ARFGEF1: variants seen among roughly 807,000 people sequenced by gnomAD.
ARFGEF1 encodes ARF guanine nucleotide exchange factor 1, also known as brefeldin A-inhibited guanine nucleotide-exchange protein 1.
In ARFGEF1, 42 loss-of-function variants were observed where a neutral mutation model predicts 231.0. That is an observed-to-expected ratio of 0.18 (90% confidence interval 0.14 to 0.24). The LOEUF (loss-of-function observed/expected upper bound fraction) is 0.24. ARFGEF1 is among the 10% of genes least tolerant of loss of function. The probability of loss-of-function intolerance (pLI) is 1.00; values close to 1 mark genes in which losing one functional copy is unlikely to be tolerated. For missense variants in ARFGEF1, 1,345 were observed against 2,192.0 expected (o/e 0.61, Z 7.72); for synonymous variants, 710 against 732.3 (o/e 0.97, Z 0.49).
At chr8:67,218,639 AT>A (rs1394780802) in intron 30 of ARFGEF1, among the ~76,000 whole-genome samples, 2 of 152,062 alleles carry the variant, frequency 1.3e-5, no homozygotes, top group East Asian at 1.9e-4. Context: ...AGTGTAATTT[AT>A]TTTTTTCAAG....
At chr8:67,221,941 G>A (rs886115213) in intron 29 of ARFGEF1, among the ~76,000 whole-genome samples, 2 of 151,082 alleles carry the variant, frequency 1.3e-5, no homozygotes, top group African/African-American at 4.9e-5. Context: ...AGCCTCCCAA[G>A]TAGCTGGGAC....
intron 28 of ARFGEF1, among the ~76,000 whole-genome samples, 167 bp from the exon 29 acceptor site, chr8:67,225,200 A>T (rs1329467016): frequency 6.6e-6 from 1 of 152,238 alleles, no homozygotes; most frequent in African/African-American, 2.4e-5. Context: ...ATTTTAGTAT[A>T]TGTGCCACTG....
chr8:67,337,575 CTCTG>C (rs1384130906), intron 1 of ARFGEF1, among the ~76,000 whole-genome samples: 2 of 151,834 alleles, frequency 1.3e-5, no homozygotes, highest in Non-Finnish European at 2.9e-5. Context: ...CCATCTTTCT[CTCTG>C]TCTCTCTCCC....
chr8:67,269,646 C>T (rs556615610), intron 10 of ARFGEF1, among the ~76,000 whole-genome samples: 6 of 152,058 alleles, frequency 3.9e-5, no homozygotes, highest in South Asian at 4.2e-4. Flanking sequence ...CCACTGTGCC[C>T]GGTGCTCAAC....
intron 1 of ARFGEF1, among the ~76,000 whole-genome samples, chr8:67,304,828 T>C (rs547558236): frequency 2.6e-4 from 40 of 152,212 alleles, no homozygotes; most frequent in Non-Finnish European, 2.1e-4. Context: ...CAAAAATAAA[T>C]AAAATAAAAT....
At chr8:67,267,569 T>C in intron 10 of ARFGEF1, 127 bp from the exon 11 acceptor site, 1 of 599,062 alleles carries the variant, frequency 1.7e-6, no homozygotes, top group Non-Finnish European at 2.9e-6. Context: ...CAACTCCTTT[T>C]GAGTTCCATC....
intron 1 of ARFGEF1, among the ~76,000 whole-genome samples, chr8:67,337,559 C>A (rs751076829): frequency 6.6e-6 from 1 of 152,032 alleles, no homozygotes; most frequent in Non-Finnish European, 1.5e-5. Flanking sequence ...ATCTGCCCAC[C>A]CCCTCCCATC....
downstream of ARFGEF1, chr8:67,175,195 A>G: frequency 1.2e-6 from 1 of 830,172 alleles, no homozygotes. Context: ...CATTTCCTTG[A>G]TTTTGAAATT....
chr8:67,274,629 T>C (rs555473231), intron 9 of ARFGEF1, among the ~76,000 whole-genome samples: 1 of 152,254 alleles, frequency 6.6e-6, no homozygotes, highest in African/African-American at 2.4e-5. Context: ...TTCCTTTGTG[T>C]CCTTTTCATT....
intron 1 of ARFGEF1, among the ~76,000 whole-genome samples, chr8:67,328,279 CTG>C (rs1184258070): frequency 2.6e-5 from 4 of 152,090 alleles, no homozygotes; most frequent in African/African-American, 9.7e-5. Context: ...TCTTAACAAA[CTG>C]AACTATTCTT....
intron 1 of ARFGEF1, among the ~76,000 whole-genome samples, chr8:67,320,898 C>T (rs1158862638): frequency 1.3e-5 from 2 of 151,678 alleles, no homozygotes; most frequent in Non-Finnish European, 2.9e-5. Flanking sequence ...GAAGAGGTTG[C>T]AATAAGCAGA....
intron 5 of ARFGEF1, among the ~76,000 whole-genome samples, chr8:67,180,432 G>C (rs1304705753): frequency 6.6e-6 from 1 of 152,216 alleles, no homozygotes; most frequent in Non-Finnish European, 1.5e-5. Context: ...CAGGGGTTGA[G>C]GGATAGGGAG....
chr8:67,261,189 TATACTAAACAACA>T (rs1275742676), intron 14 of ARFGEF1, among the ~76,000 whole-genome samples: 17 of 152,310 alleles, frequency 1.1e-4, no homozygotes, highest in Middle Eastern at 6.8e-3. Flanking sequence ...TGAAGGTGGT[TATACTAAACAACA>T]GATTTTCCAT....
In ARFGEF1 at chr8:67,198,527, A is replaced by C; in HGVS notation, c.*407T>G. 1 of 990,916 alleles carries C rather than the reference A, an allele frequency of 1.0e-6. No homozygotes were observed. Among genetic ancestry groups the C allele is most frequent in the Non-Finnish European group, 1.2e-6 (1 of 833,892 alleles). The allele number at this position is 990,916 out of a possible 1,614,324, so 61.4% of individuals were successfully genotyped here. On this transcript the variant is annotated 3_prime_UTR_variant, in exon 39 of 39. Coordinates refer to ENST00000262215, the MANE Select transcript of ARFGEF1 (RefSeq NM_006421.5). ...AACAATAATTTCTTCTTCTCTCCCC[A>C]CTCCCCAATTATAAACATTTTATCC...
Position 67,198,784 on chromosome 8 carries a change from T to C in ARFGEF1, c.*150A>G. 2.8e-6 allele frequency: 4 copies of C among 1,436,902 alleles called. No individual in the cohort carries two copies. Among genetic ancestry groups the C allele is most frequent in the Non-Finnish European group, 2.7e-6 (3 of 1,099,708 alleles). The allele number at this position is 1,436,902 out of a possible 1,614,324, so 89.0% of individuals were successfully genotyped here. On this transcript the variant is annotated 3_prime_UTR_variant, in exon 39 of 39. Coordinates refer to ENST00000262215, the MANE Select transcript of ARFGEF1 (RefSeq NM_006421.5). ...ACCAGCACTAAAAGGGACTGGAGTG[T>C]TGCAAGTTTGAGTAAGACTTCTAAG...
At chr8:67,316,943 T>C (rs1369640398) in intron 1 of ARFGEF1, among the ~76,000 whole-genome samples, 1 of 152,198 alleles carries the variant, frequency 6.6e-6, no homozygotes, top group Non-Finnish European at 1.5e-5. Context: ...TTGAACCACA[T>C]GATCTCAGCC....
At chr8:67,231,406 T>C (rs111890335) in intron 23 of ARFGEF1, among the ~76,000 whole-genome samples, 3,810 of 152,192 alleles carry the variant, frequency 0.025, 108 homozygotes, top group South Asian at 0.047. Context: ...TAACAAAATT[T>C]ATGCTAAATC....
intron 23 of ARFGEF1, among the ~76,000 whole-genome samples, chr8:67,231,266 T>C (rs1839543741): frequency 6.6e-6 from 1 of 151,968 alleles, no homozygotes; most frequent in South Asian, 2.1e-4. Flanking sequence ...TTATAAGAGA[T>C]CAAATATATA....
chr8:67,342,300 T>C (rs1174862867), intron 1 of ARFGEF1, among the ~76,000 whole-genome samples: 1 of 152,144 alleles, frequency 6.6e-6, no homozygotes, highest in Non-Finnish European at 1.5e-5. Context: ...ACCTCATAGG[T>C]AGGAGGTATT....
Sources: allele counts gnomAD v4.1 joint callset (sites outside exome capture counted in the v4.1 genomes callset), GRCh38; gene constraint gnomAD v4.1.1; transcripts MANE v1.5; gene names NCBI Gene and HGNC (gene_info 2026-07-23, HGNC 2026-07-21).